Variants in PCNX1 observed in about 807,000 individuals in gnomAD.
PCNX1 encodes the protein pecanex-like protein 1.
Under a neutral mutation model 242.2 loss-of-function variants are expected in PCNX1, and 78 were observed. That is an observed-to-expected ratio of 0.32 (90% confidence interval 0.27 to 0.39). PCNX1 has a LOEUF of 0.39. PCNX1 is among the 10% of genes least tolerant of loss of function. PCNX1 has a pLI of 1.00. For synonymous variants in PCNX1, 1,024 were observed against 1,032.9 expected (o/e 0.99, Z 0.17); for missense variants, 2,581 against 2,856.5 (o/e 0.90, Z 2.20).
intron 1 of PCNX1, among the ~76,000 whole-genome samples, chr14:70,937,529 T>TA (rs143046984): frequency 0.045 from 6,799 of 152,312 alleles, 271 homozygotes; most frequent in East Asian, 0.25. Flanking sequence ...CTGTTTTGGT[T>TA]ACTGTAGCCT....
chr14:70,924,525 C>CA (rs2056511733), intron 1 of PCNX1, among the ~76,000 whole-genome samples: 1 of 152,072 alleles, frequency 6.6e-6, no homozygotes, highest in South Asian at 2.1e-4. Flanking sequence ...AGGTTCCATC[C>CA]AAAACTTTTG....
At chr14:70,934,822 G>A (rs531423307) in intron 1 of PCNX1, among the ~76,000 whole-genome samples, 17 of 152,268 alleles carry the variant, frequency 1.1e-4, no homozygotes, top group South Asian at 8.3e-4. Context: ...TTTGTAAAAC[G>A]AAAAAGTTCT....
chr14:71,002,703 T>C (rs12433409), intron 8 of PCNX1, among the ~76,000 whole-genome samples: 13,779 of 152,266 alleles, frequency 0.09, 743 homozygotes, highest in Admixed American at 0.18. Flanking sequence ...GTTTGTTCTT[T>C]CTTACTGCTG....
At chr14:70,929,728 C>CA (rs1252873139) in intron 1 of PCNX1, among the ~76,000 whole-genome samples, 1 of 152,140 alleles carries the variant, frequency 6.6e-6, no homozygotes, top group African/African-American at 2.4e-5. Context: ...TGTTAGAACT[C>CA]AAACTTATAC....
intron 5 of PCNX1, chr14:70,969,334 G>A (rs1056215776): frequency 2.3e-6 from 1 of 438,080 alleles, no homozygotes; most frequent in South Asian, 2.8e-5. Context: ...CATGGAGAGA[G>A]AAATTCTATG....
At position 71,076,414 on chromosome 14, in the gene PCNX1, G is replaced by A; in HGVS notation, c.5332G>A (p.Ala1778Thr). Reference sequence around the variant, plus strand: ...GATAGAGTACTGCTCTTCCCGAAGAGCAAAGGTAGAGTTTATTTCATTTAT... The same window carrying A: ...GATAGAGTACTGCTCTTCCCGAAGAACAAAGGTAGAGTTTATTTCATTTAT... ...NWIEYCSSRR[A>T]KPVDVDKDSS... Residue 1778 changes from alanine (A) to threonine (T), a missense_variant, in exon 28 of 36, where the codon GCA (alanine) becomes ACA (threonine). This residue lies in a region of PCNX1 where 298 missense variants were observed against 480.1 expected (regional missense o/e 0.62). Coordinates refer to ENST00000304743, the MANE Select transcript of PCNX1 (RefSeq NM_014982.3). 6.3e-7 allele frequency: 1 copy of A among 1,584,322 alleles called. No individual in the cohort carries two copies.
chr14:71,045,590 C>G (rs779634825), intron 20 of PCNX1, among the ~76,000 whole-genome samples: 2 of 152,058 alleles, frequency 1.3e-5, no homozygotes, highest in Non-Finnish European at 1.5e-5. Flanking sequence ...CTTTCCTGAC[C>G]CTACTCTTCC....
intron 28 of PCNX1, among the ~76,000 whole-genome samples, chr14:71,087,836 A>G (rs573544333): frequency 5.7e-4 from 87 of 152,286 alleles, no homozygotes; most frequent in African/African-American, 2.0e-3. Context: ...TAAAAAATAA[A>G]AAGGTTGAGG....
At chr14:70,911,287 C>G (rs552674344) in intron 1 of PCNX1, among the ~76,000 whole-genome samples, 7 of 152,074 alleles carry the variant, frequency 4.6e-5, no homozygotes, top group Non-Finnish European at 7.4e-5. Flanking sequence ...TATTCCCCCC[C>G]AAAAAGTGCC....
At chr14:71,037,842 A>G (rs1384493224) in intron 19 of PCNX1, among the ~76,000 whole-genome samples, 3 of 148,632 alleles carry the variant, frequency 2.0e-5, no homozygotes, top group African/African-American at 7.5e-5. Context: ...GGCTACAGTA[A>G]CCAAAACAGC....
At chr14:71,078,188 T>C (rs2061764382) in intron 28 of PCNX1, among the ~76,000 whole-genome samples, 2 of 152,252 alleles carry the variant, frequency 1.3e-5, no homozygotes, top group Non-Finnish European at 2.9e-5. Flanking sequence ...TTTTTCCAGC[T>C]ATATAGTCTT....
chr14:71,049,115 GA>G, intron 22 of PCNX1: 3 of 894,656 alleles, frequency 3.4e-6, no homozygotes, highest in East Asian at 1.2e-4. Flanking sequence ...ATACTGGTTG[GA>G]AAAAAGTGAA....
chr14:71,107,551 A>T lies in PCNX1; in HGVS notation c.6302-1053A>T, dbSNP rs148197962. 8.6e-3 allele frequency among the ~76,000 whole-genome samples: 1,304 copies of T among 152,292 alleles called. 8 individuals are homozygous for T. The highest frequency in any genetic ancestry group is 0.017 in the South Asian group (82 of 4,828). On this transcript the variant is annotated intron_variant, in intron 33 of 35. Transcript: ENST00000304743. ...AGTACATGTAGCTATGTTTCAATGT[A>T]ATTAATTTTACATTACTCTTATGAG...
intron 28 of PCNX1, among the ~76,000 whole-genome samples, chr14:71,080,570 C>T (rs1483876606): frequency 5.9e-5 from 9 of 152,116 alleles, no homozygotes; most frequent in African/African-American, 2.2e-4. Context: ...TTGTAGTTCT[C>T]CTTGAAGAGG....
chr14:70,914,889 A>G lies in PCNX1; in HGVS notation c.153+6886A>G, dbSNP rs192252022. Reference sequence around the variant, plus strand: ...CACGTTTGCGTAGTGTAGACTTGGCATGTTGTAGAATATCAGCGTCACTCC... The same window carrying G: ...CACGTTTGCGTAGTGTAGACTTGGCGTGTTGTAGAATATCAGCGTCACTCC... On this transcript the variant is annotated intron_variant, in intron 1 of 35. Coordinates refer to ENST00000304743, the MANE Select transcript of PCNX1 (RefSeq NM_014982.3). 4.2e-3 allele frequency among the ~76,000 whole-genome samples: 631 copies of G among 151,964 alleles called. 12 individuals are homozygous for G. Among genetic ancestry groups the G allele is most frequent in the Non-Finnish European group, 1.7e-3 (115 of 67,932 alleles).
intron 6 of PCNX1, among the ~76,000 whole-genome samples, chr14:70,980,880 A>C (rs1039701159): frequency 8.5e-5 from 13 of 152,146 alleles, no homozygotes; most frequent in African/African-American, 2.7e-4. Context: ...CCATAGGTAG[A>C]TTTTATCCTA....
At chr14:71,050,271 A>G (rs530260071) in intron 22 of PCNX1, among the ~76,000 whole-genome samples, 147 of 152,194 alleles carry the variant, frequency 9.7e-4, no homozygotes, top group African/African-American at 3.4e-3. Context: ...CGCTGCACCC[A>G]CTAACTCATC....
At chr14:70,938,713 C>T (rs1276404883) in intron 1 of PCNX1, among the ~76,000 whole-genome samples, 1 of 152,132 alleles carries the variant, frequency 6.6e-6, no homozygotes, top group Non-Finnish European at 1.5e-5. Flanking sequence ...GGTACCAGTT[C>T]CTCCTTATAC....
chr14:71,068,216 A>G (rs2061495298), intron 26 of PCNX1, among the ~76,000 whole-genome samples: 2 of 151,970 alleles, frequency 1.3e-5, no homozygotes, highest in South Asian at 4.2e-4. Context: ...CTGTAATCCC[A>G]ACTACTCAGG....
Sources: gnomAD v4.1 joint callset for allele counts (sites outside exome capture counted in the v4.1 genomes callset) on GRCh38, gnomAD v4.1.1 for gene constraint, gnomAD v4.1.1 regional missense constraint, MANE v1.5 for transcripts, NCBI Gene and HGNC (gene_info 2026-07-23, HGNC 2026-07-21) for gene names.